Variants in KRT3 observed in about 807,000 individuals in gnomAD.
KRT3 encodes keratin, type II cytoskeletal 3.
A neutral mutation model predicts 45.8 loss-of-function variants in KRT3; 34 were observed. The observed-to-expected ratio is 0.74, with a 90% CI of 0.57 to 0.99. The LOEUF (loss-of-function observed/expected upper bound fraction) is 0.99. Ranked by LOEUF, KRT3 falls within the 50% of genes least tolerant of loss-of-function variation. KRT3 has a pLI of 0.00. For synonymous variants in KRT3, 367 were observed against 329.0 expected, an observed-to-expected ratio of 1.12 and a Z score of -1.25; for missense variants, 828 against 820.6, an observed-to-expected ratio of 1.01 and a Z score of -0.11.
rs768725246 is a variant in KRT3 at position 52,791,719 on chromosome 12, C to T, written c.1286G>A (p.Arg429Gln). 1.5e-5 allele frequency: 24 copies of T among 1,613,978 alleles called. No homozygotes were observed. The highest frequency in any genetic ancestry group is 1.1e-4 in the South Asian group (10 of 91,082). ...CTTCTTGACACCCTCGATCTCTGCC[C>T]GCAGCCTCTGGATCATTCTGTTGAG... The part of the protein sequence containing the change: ...IELNRMIQRL[R>Q]AEIEGVKKQN... The change falls in exon 6 of 9, where the codon CGG becomes CAG. Residue 429 changes from arginine to glutamine, a missense_variant. Physicochemically the swap from Arg to Gln is conservative, Grantham distance 43. Transcript: ENST00000417996.
Position 52,795,837 on chromosome 12 carries a change from C to A in KRT3, c.206G>T (p.Ser69Ile), listed in dbSNP as rs199517745. 1 of 1,614,188 alleles carries A rather than the reference C, an allele frequency of 6.2e-7. No individual in the cohort carries two copies. The highest frequency in any genetic ancestry group is 1.3e-5 in the African/African-American group (1 of 75,064). The change falls in exon 1 of 9, where the codon AGC becomes ATC. Residue 69 changes from serine to isoleucine, a missense_variant. By Grantham distance (142) the Ser-to-Ile change is moderately radical. Coordinates refer to ENST00000417996, the MANE Select transcript of KRT3 (RefSeq NM_057088.3). ...AGCCCGGGAGCCGCCAGCTGCCACGCTGATGGAGATGCTCTTGTTGCCGCC... is the reference window on the plus strand; with the variant it reads ...AGCCCGGGAGCCGCCAGCTGCCACGATGATGGAGATGCTCTTGTTGCCGCC... ...NLGGNKSISI[S>I]VAAGGSRAGG...
At chr12:52,791,500 C>G in intron 6 of KRT3, 74 bp from the exon 7 acceptor site, 1 of 1,514,964 alleles carries the variant, frequency 6.6e-7, no homozygotes, top group Non-Finnish European at 9.1e-7. Context: ...AATGGATTAT[C>G]CCATCTTAAA....
Position 52,795,783 on chromosome 12 carries a change from C to T in KRT3, c.260G>A (p.Cys87Tyr). Residue 87 changes from cysteine to tyrosine, a missense_variant, in exon 1 of 9, where the codon TGT becomes TAT. Coordinates refer to ENST00000417996, the MANE Select transcript of KRT3 (RefSeq NM_057088.3). ...AGGFGGGRSS[C>Y]AFAGGYGGGF... ...ACCTCCATAGCCACCTGCAAAGGCA[C>T]AGCTGCTCCGCCCTCCCCCAAAGCC... The T allele has an allele frequency of 2.5e-6, 4 of 1,614,050 alleles. No individual in the cohort carries two copies. Among genetic ancestry groups the T allele is most frequent in the Non-Finnish European group, 3.4e-6 (4 of 1,179,898 alleles).
rs147386788 is a variant in KRT3 at position 52,795,665 on chromosome 12, T to A, written c.378A>T (p.Gly126=). The change falls in exon 1 of 9, where the codon GGA becomes GGT. Residue 126 remains glycine, a synonymous_variant. Coordinates refer to ENST00000417996, the MANE Select transcript of KRT3 (RefSeq NM_057088.3). ...GGGFGGAGGF[G]GAGGFGGAGG... ...CAGCCCCTCCAAAGCCACCAGCCCC[T>A]CCAAAGCCACCAGCTCCACCAAAGC... The A allele has an allele frequency of 1.3e-6, 2 of 1,533,858 alleles. No individual in the cohort carries two copies. The highest frequency in any genetic ancestry group is 2.5e-5 in the South Asian group (2 of 81,470).
In KRT3 at chr12:52,796,070, G is replaced by A. The variant is rs992764134; in HGVS notation, c.-28C>T. On this transcript the variant is annotated 5_prime_UTR_variant, in exon 1 of 9. Coordinates refer to ENST00000417996, the MANE Select transcript of KRT3 (RefSeq NM_057088.3). ...TAAGGAGCTTGGCGAAGAGAAGAGT[G>A]TAAGTTAAGCAGGGACACTGAGAGT... 1 of 1,610,444 alleles carries A rather than the reference G, an allele frequency of 6.2e-7. No individual in the cohort carries two copies. Among genetic ancestry groups the A allele is most frequent in the Admixed American group, 1.7e-5 (1 of 59,972 alleles).
Position 52,795,977 on chromosome 12 carries a change from C to T in KRT3, c.66G>A (p.Val22=), listed in dbSNP as rs769553999. The change falls in exon 1 of 9, where the codon GTG becomes GTA. Residue 22 remains valine, a synonymous_variant. Coordinates refer to ENST00000417996, the MANE Select transcript of KRT3 (RefSeq NM_057088.3). ...AGCTCATCCTGCTGCTGCCGGAGAC[C>T]ACAGCAGAGCGGCCGGAGAAACCCT... ...GSQGFSGRSA[V]VSGSSRMSCV... is the part of the protein sequence containing the mutation. 8.1e-6 allele frequency: 13 copies of T among 1,613,894 alleles called. No homozygotes were observed. The highest frequency in any genetic ancestry group is 1.7e-5 in the Admixed American group (1 of 60,012).
chr12:52,791,465 G>A (rs1168006115), intron 6 of KRT3, 39 bp from the exon 7 acceptor site: 2 of 1,602,240 alleles, frequency 1.2e-6, no homozygotes, highest in South Asian at 1.1e-5. Flanking sequence ...CTCAGTAAGA[G>A]GGCCCCAGGC....
At position 52,789,850 on chromosome 12, in the gene KRT3, G is replaced by A. The variant is rs1339017650; in HGVS notation, c.*192C>T. 9 of 674,846 alleles carry A rather than the reference G, an allele frequency of 1.3e-5. No individual in the cohort carries two copies. Among genetic ancestry groups the A allele is most frequent in the Admixed American group, 2.4e-5 (1 of 42,422 alleles). The allele number at this position is 674,846 out of a possible 1,614,324, so 41.8% of individuals were successfully genotyped here. ...ACAATCACAGGCACAGGCTGGAGCC[G>A]GAGAGAAGAGCCTGAAATTCTCGTG... On this transcript the variant is annotated 3_prime_UTR_variant, in exon 9 of 9. Transcript: ENST00000417996.
rs1939441673 is a variant in KRT3, at chr12:52,789,755, C to G, written c.*287G>C. On this transcript the variant is annotated 3_prime_UTR_variant, in exon 9 of 9. Coordinates refer to ENST00000417996, the MANE Select transcript of KRT3 (RefSeq NM_057088.3). Reference sequence around the variant, plus strand: ...GGGCTGTGTGCTATATACATCAGAGCTGTAGTGAGCATCCCACCCAGGGAG... The same window carrying G: ...GGGCTGTGTGCTATATACATCAGAGGTGTAGTGAGCATCCCACCCAGGGAG... 2 of 590,968 alleles carry G rather than the reference C, an allele frequency of 3.4e-6. No homozygotes were observed. The highest frequency in any genetic ancestry group is 3.0e-5 in the Admixed American group (1 of 33,670). 36.6% of individuals were successfully genotyped at this position (590,968 alleles called of 1,614,324 possible).
intron 7 of KRT3, 34 bp from the exon 8 acceptor site, chr12:52,790,906 C>T (rs1939477661): frequency 3.8e-6 from 6 of 1,574,242 alleles, no homozygotes; most frequent in South Asian, 2.3e-5. Context: ...TGGGCCCCGT[C>T]ACAAAGCACA....
chr12:52,791,280 C>T lies in KRT3; in HGVS notation c.1461G>A (p.Glu487=), dbSNP rs1472036005. ...CCAGGGCCAGCTTGACATTCATCAGCTCCTGGTAGTCACGTAGCAGCCGCG... is the reference window on the plus strand; with the variant it reads ...CCAGGGCCAGCTTGACATTCATCAGTTCCTGGTAGTCACGTAGCAGCCGCG... ...DLARLLRDYQ[E]LMNVKLALDV... Residue 487 remains glutamate, a synonymous_variant, in exon 7 of 9, where the codon GAG becomes GAA. Coordinates refer to ENST00000417996, the MANE Select transcript of KRT3 (RefSeq NM_057088.3). 6.2e-7 allele frequency: 1 copy of T among 1,614,256 alleles called. No homozygotes were observed. Among genetic ancestry groups the T allele is most frequent in the Non-Finnish European group, 8.5e-7 (1 of 1,180,048 alleles).
chr12:52,789,939 G>C lies in KRT3; in HGVS notation c.*103C>G, dbSNP rs1355090441. On this transcript the variant is annotated 3_prime_UTR_variant, in exon 9 of 9. Coordinates refer to ENST00000417996, the MANE Select transcript of KRT3 (RefSeq NM_057088.3). ...GCCACAAGCCTTCCAGCGCAGAGCC[G>C]CGTTCTTGGGGAGCATGGGGTGGCG... 3 of 1,219,824 alleles carry C rather than the reference G, an allele frequency of 2.5e-6. No homozygotes were observed. The highest frequency in any genetic ancestry group is 5.1e-5 in the East Asian group (2 of 39,238). The allele number at this position is 1,219,824 out of a possible 1,614,324, so 75.6% of individuals were successfully genotyped here.
intron 1 of KRT3, among the ~76,000 whole-genome samples, chr12:52,795,078 G>T (rs866525997): frequency 1.8e-4 from 28 of 152,152 alleles, no homozygotes; most frequent in African/African-American, 6.5e-4. Flanking sequence ...GCTGATGGTG[G>T]CTGTGGCCCT....
intron 2 of KRT3, 74 bp downstream of exon 2, chr12:52,794,037 G>A (rs146572844): frequency 1.8e-6 from 2 of 1,137,148 alleles, no homozygotes; most frequent in Middle Eastern, 2.7e-4. Flanking sequence ...AGCAGTCAGG[G>A]GGCATGTAGA....
Position 52,794,021 on chromosome 12 carries a change from C to T in KRT3, c.866+90G>A, listed in dbSNP as rs1939583591. 3 of 981,418 alleles carry T rather than the reference C, an allele frequency of 3.1e-6. No homozygotes were observed. In the East Asian group the frequency reaches 7.2e-5, roughly 24 times the overall value. The allele number at this position is 981,418 out of a possible 1,614,324, so 60.8% of individuals were successfully genotyped here. ...GAGGGAAATGGGCCAGGAGACGCCA[C>T]TGCCCAGCAGTCAGGGGGCATGTAG... On this transcript the variant is annotated intron_variant, in intron 2 of 8. Transcript: ENST00000417996.
chr12:52,792,386 C>T lies in KRT3; in HGVS notation c.1041G>A (p.Gln347=), dbSNP rs1209142316. Reference sequence around the variant, plus strand: ...CCACAGATGTGTCACTGATGTGGCTCTGCATCTGAGATAGCTCCTGTCAAC... The same window carrying T: ...CCACAGATGTGTCACTGATGTGGCTTTGCATCTGAGATAGCTCCTGTCAAC... ...TLYDAELSQM[Q]SHISDTSVVL... is the part of the protein sequence containing the mutation. Residue 347 remains glutamine, a synonymous_variant, in exon 5 of 9, where the codon CAG becomes CAA. Transcript: ENST00000417996. 4.3e-6 allele frequency: 7 copies of T among 1,613,984 alleles called. No individual in the cohort carries two copies. The highest frequency in any genetic ancestry group is 5.9e-6 in the Non-Finnish European group (7 of 1,180,056).
chr12:52,789,991 T>A lies in KRT3; in HGVS notation c.*51A>T. ...TGGGGGTGTTGCCAATATGGGGGCG[T>A]GGGGAGCGGAGGGGAGGCGCTGGAG... On this transcript the variant is annotated 3_prime_UTR_variant, in exon 9 of 9. Coordinates refer to ENST00000417996, the MANE Select transcript of KRT3 (RefSeq NM_057088.3). 1 of 1,506,880 alleles carries A rather than the reference T, an allele frequency of 6.6e-7. No individual in the cohort carries two copies. The highest frequency in any genetic ancestry group is 8.9e-7 in the Non-Finnish European group (1 of 1,120,574). The allele number at this position is 1,506,880 out of a possible 1,614,324, so 93.3% of individuals were successfully genotyped here.
At chr12:52,793,326 C>T (rs1939569625) in intron 2 of KRT3, 103 bp from the exon 3 acceptor site, 4 of 746,954 alleles carry the variant, frequency 5.4e-6, no homozygotes, top group Non-Finnish European at 9.2e-6. Flanking sequence ...CCCTCCATCC[C>T]TATCCTGCCC....
rs111435734 is a variant in KRT3 at position 52,795,728 on chromosome 12, A to G, written c.315T>C (p.Phe105=). Residue 105 remains phenylalanine, a synonymous_variant, in exon 1 of 9, where the codon TTT becomes TTC. Transcript: ENST00000417996. Reference sequence around the variant, plus strand: ...CTCTGCCACCACCAAAGCCACCACCAAAGCCACCTCCATAGCCGCTCCCAA... The same window carrying G: ...CTCTGCCACCACCAAAGCCACCACCGAAGCCACCTCCATAGCCGCTCCCAA... ...GGFGSGYGGG[F]GGGFGGGRGM... 6,191 of 1,612,944 alleles carry G rather than the reference A, an allele frequency of 3.8e-3. 146 individuals are homozygous for G. The African/African-American group carries it at 0.061, about 16-fold the overall frequency.
Sources: gnomAD v4.1 joint callset for allele counts (sites outside exome capture counted in the v4.1 genomes callset) on GRCh38, gnomAD v4.1.1 for gene constraint, MANE v1.5 for transcripts, NCBI Gene and HGNC (gene_info 2026-07-23, HGNC 2026-07-21) for gene names.